Variants in PCDHGA4 observed in about 807,000 individuals in gnomAD.
The protein encoded by PCDHGA4 is protocadherin gamma-A4.
PCDHGA4 carries 38 observed loss-of-function variants against 54.6 expected under a neutral mutation model. That is an observed-to-expected ratio of 0.70 (90% CI 0.54 to 0.91). The LOEUF is 0.91. Ranked by LOEUF, PCDHGA4 falls within the 40% of genes least tolerant of loss-of-function variation. PCDHGA4 has a pLI of 0.00. For missense variants in PCDHGA4, 1,298 were observed against 1,220.9 expected, an observed-to-expected ratio of 1.06 and a Z score of -0.94; for synonymous variants, 511 against 512.9, an observed-to-expected ratio of 1.00 and a Z score of 0.05.
rs1306500688 is a variant in PCDHGA4 at position 141,491,142 on chromosome 5, A to T, written c.2515-3665A>T. ...GTGAGGTGCGCACAGCCCGGGCCTTACTGGAGGATGACTCTGACACCCAGC... is the reference window on the plus strand; with the variant it reads ...GTGAGGTGCGCACAGCCCGGGCCTTTCTGGAGGATGACTCTGACACCCAGC... On this transcript the variant is annotated intron_variant, in intron 1 of 3. Coordinates refer to ENST00000571252, the MANE Select transcript of PCDHGA4 (RefSeq NM_018917.4). This position sits in a 1 kb window ranked among gnomAD's most constrained non-coding sequence, Gnocchi z 6.9. 6.2e-7 allele frequency: 1 copy of T among 1,614,090 alleles called. No homozygotes were observed. Among genetic ancestry groups the T allele is most frequent in the Non-Finnish European group, 8.5e-7 (1 of 1,179,976 alleles).
chr5:141,464,515 A>C (rs969421973), intron 1 of PCDHGA4, among the ~76,000 whole-genome samples: 4 of 152,028 alleles, frequency 2.6e-5, no homozygotes, highest in Non-Finnish European at 4.4e-5. Flanking sequence ...CATAAGGTAA[A>C]GGCATATGTA....
At chr5:141,422,217 C>T (rs1207888890) in intron 1 of PCDHGA4, 2 of 1,563,582 alleles carry the variant, frequency 1.3e-6, no homozygotes, top group Admixed American at 2.0e-5. Context: ...GTCTCTTTAC[C>T]ACCACGACGA....
intron 1 of PCDHGA4, among the ~76,000 whole-genome samples, chr5:141,472,913 G>A (rs1049221725): frequency 2.0e-5 from 3 of 147,764 alleles, no homozygotes; most frequent in African/African-American, 2.5e-5. Context: ...TTGAACCCAA[G>A]AGGAGGAGGT....
rs760680204 is a variant in PCDHGA4, at chr5:141,477,505, CG to C, written c.2515-17301del. ...CACAATCTTCTCAATCTTCCTACGA[CG>C]TTTACATTGAAGAAAACAACCTCCC... On this transcript the variant is annotated intron_variant, in intron 1 of 3. Coordinates refer to ENST00000571252, the MANE Select transcript of PCDHGA4 (RefSeq NM_018917.4). The surrounding 1 kb of genome is among the most constrained non-coding windows in gnomAD (Gnocchi z 4.9). The C allele has an allele frequency of 1.2e-5, 19 of 1,614,008 alleles. No individual in the cohort carries two copies. The highest frequency in any genetic ancestry group is 8.5e-7 in the Non-Finnish European group (1 of 1,180,018).
rs770357830 is a variant in PCDHGA4 at position 141,392,977 on chromosome 5, A to G, written c.2514+35356A>G. On this transcript the variant is annotated intron_variant, in intron 1 of 3. Coordinates refer to ENST00000571252, the MANE Select transcript of PCDHGA4 (RefSeq NM_018917.4). ...AATATCTCCAAGGACCTGGGGCTGG[A>G]CCCCCGGAAGCTGGCGAAGCACGGA... 1.9e-6 allele frequency: 3 copies of G among 1,613,560 alleles called. No homozygotes were observed. The highest frequency in any genetic ancestry group is 4.5e-5 in the East Asian group (2 of 44,876).
chr5:141,387,727 C>T, intron 1 of PCDHGA4: 3 of 1,216,044 alleles, frequency 2.5e-6, no homozygotes, highest in South Asian at 3.2e-5. Context: ...CTCCCCAGCG[C>T]CAGCCTTTAC....
chr5:141,407,455 C>G (rs2094931708), intron 1 of PCDHGA4, among the ~76,000 whole-genome samples: 1 of 148,412 alleles, frequency 6.7e-6, no homozygotes, highest in African/African-American at 2.5e-5. Context: ...ACGAGGCTCA[C>G]CAGACAGATG....
chr5:141,497,954 G>A (rs1203635313), intron 2 of PCDHGA4, among the ~76,000 whole-genome samples: 7 of 152,198 alleles, frequency 4.6e-5, no homozygotes, highest in Non-Finnish European at 1.5e-5. Context: ...CTTTCTGTTG[G>A]CCAGGCAGTG....
intron 1 of PCDHGA4, chr5:141,421,248 C>G: frequency 1.2e-6 from 2 of 1,604,936 alleles, no homozygotes; most frequent in Middle Eastern, 1.7e-4. Flanking sequence ...GGCTACAGCG[C>G]GGGGACCGCA....
intron 1 of PCDHGA4, chr5:141,361,115 T>C: frequency 6.2e-7 from 1 of 1,614,046 alleles, no homozygotes; most frequent in Non-Finnish European, 8.5e-7. Context: ...CCTGGAGATC[T>C]AGCAGCCCAC....
chr5:141,461,392 A>G (rs781666201), intron 1 of PCDHGA4, among the ~76,000 whole-genome samples: 18 of 152,178 alleles, frequency 1.2e-4, no homozygotes, highest in Non-Finnish European at 2.2e-4. Context: ...ATGATTAGCG[A>G]TGTTGAGCAT....
At chr5:141,389,547 G>A in intron 1 of PCDHGA4, 1 of 1,613,252 alleles carries the variant, frequency 6.2e-7, no homozygotes, top group East Asian at 2.2e-5. Context: ...CGACCGCAAC[G>A]ACAATGCGCC....
intron 1 of PCDHGA4, chr5:141,418,790 G>A (rs1434374059): frequency 2.5e-6 from 4 of 1,613,758 alleles, no homozygotes; most frequent in Admixed American, 3.3e-5. Flanking sequence ...GGATTTTGAA[G>A]AAGTAGAAAG....
At chr5:141,478,020 A>G (rs1315422039) in intron 1 of PCDHGA4, 2 of 1,613,976 alleles carry the variant, frequency 1.2e-6, no homozygotes, top group Non-Finnish European at 1.7e-6. Flanking sequence ...CGTCCAGTCC[A>G]AGACACAGAT....
intron 1 of PCDHGA4, chr5:141,410,562 C>A (rs748563687): frequency 1.9e-6 from 3 of 1,612,718 alleles, no homozygotes; most frequent in Non-Finnish European, 2.5e-6. Context: ...TCTCCTGGAG[C>A]CTTAATTCCA....
At chr5:141,502,866 C>CTTT (rs549047197) in intron 2 of PCDHGA4, among the ~76,000 whole-genome samples, 3 of 128,046 alleles carry the variant, frequency 2.3e-5, no homozygotes, top group African/African-American at 9.3e-5. Context: ...GACTCTCTGT[C>CTTT]TTTTTTTTTT....
intron 1 of PCDHGA4, chr5:141,388,960 A>C: frequency 1.2e-6 from 2 of 1,614,038 alleles, no homozygotes; most frequent in Non-Finnish European, 1.7e-6. Context: ...GAGGACGCCG[A>C]GCTGGGAACA....
intron 3 of PCDHGA4, among the ~76,000 whole-genome samples, chr5:141,505,942 G>A (rs2099849309): frequency 6.6e-6 from 1 of 152,192 alleles, no homozygotes; most frequent in African/African-American, 2.4e-5. Flanking sequence ...AAGCCCTCAA[G>A]CAATGAAAGT....
chr5:141,375,929 C>T, intron 1 of PCDHGA4: 1 of 1,613,738 alleles, frequency 6.2e-7, no homozygotes, highest in South Asian at 1.1e-5. Context: ...CGAGCCAGGA[C>T]TTTTCTCAGT....
Sources: gnomAD v4.1 joint callset for allele counts (sites outside exome capture counted in the v4.1 genomes callset) on GRCh38, gnomAD v4.1.1 for gene constraint, Gnocchi (gnomAD v3.1) non-coding constraint, MANE v1.5 for transcripts, NCBI Gene and HGNC (gene_info 2026-07-23, HGNC 2026-07-21) for gene names.